Variants in CNTN4 observed in about 807,000 individuals in gnomAD.
CNTN4 encodes contactin-4.
A neutral mutation model predicts 122.5 loss-of-function variants in CNTN4; 77 were observed. That is an observed-to-expected ratio of 0.63 (90% CI 0.52 to 0.76). CNTN4 has a LOEUF of 0.76. Ranked by LOEUF, CNTN4 falls within the 30% of genes least tolerant of loss-of-function variation. CNTN4 has a pLI of 0.00. For synonymous variants in CNTN4, 512 were observed against 447.0 expected (o/e 1.15, Z -1.83); for missense variants, 1,256 against 1,259.1 (o/e 1.00, Z 0.04).
At chr3:2,368,863 A>G (rs961869101) in intron 3 of CNTN4, among the ~76,000 whole-genome samples, 3 of 152,192 alleles carry the variant, frequency 2.0e-5, no homozygotes, top group African/African-American at 7.2e-5. Context: ...TGGATGGTGA[A>G]TTAAACTTTC....
At chr3:2,107,352 G>T (rs558745310) in intron 2 of CNTN4, among the ~76,000 whole-genome samples, 4 of 152,276 alleles carry the variant, frequency 2.6e-5, no homozygotes, top group African/African-American at 9.6e-5. Context: ...GTTCTGTATG[G>T]CTTGGGAGGC....
At chr3:2,530,365 G>A (rs972488343) in intron 3 of CNTN4, among the ~76,000 whole-genome samples, 1 of 144,316 alleles carries the variant, frequency 6.9e-6, no homozygotes, top group Non-Finnish European at 1.5e-5. Context: ...CTGGAGTGCA[G>A]TGGCACGATC....
chr3:2,105,831 C>G (rs1458987506), intron 2 of CNTN4, among the ~76,000 whole-genome samples: 1 of 152,156 alleles, frequency 6.6e-6, no homozygotes, highest in Admixed American at 6.5e-5. Flanking sequence ...AGTCCACAGT[C>G]CAAAGTCTCA....
chr3:2,574,510 T>C (rs1016003186), intron 4 of CNTN4, among the ~76,000 whole-genome samples: 5 of 152,154 alleles, frequency 3.3e-5, no homozygotes, highest in Admixed American at 3.3e-4. Flanking sequence ...TACTTTATGG[T>C]ACAATGGGAA....
intron 2 of CNTN4, among the ~76,000 whole-genome samples, chr3:2,251,143 T>G (rs907066503): frequency 6.6e-6 from 1 of 151,890 alleles, no homozygotes; most frequent in Non-Finnish European, 1.5e-5. Context: ...CTCTCTCCTA[T>G]AAGCTCTGTT....
chr3:2,934,660 T>C (rs563828385), intron 13 of CNTN4, among the ~76,000 whole-genome samples: 6 of 152,380 alleles, frequency 3.9e-5, no homozygotes, highest in African/African-American at 1.4e-4. Flanking sequence ...ATGAGAAACC[T>C]GCCCTCAGGA....
At chr3:3,044,241 C>A (rs1700417991) in intron 23 of CNTN4, among the ~76,000 whole-genome samples, 1 of 152,160 alleles carries the variant, frequency 6.6e-6, no homozygotes, top group South Asian at 2.1e-4. Flanking sequence ...AGCCTTCTTG[C>A]AGCAATCAAA....
At chr3:2,943,598 A>G (rs2094638445) in intron 13 of CNTN4, among the ~76,000 whole-genome samples, 1 of 143,870 alleles carries the variant, frequency 7.0e-6, no homozygotes, top group African/African-American at 2.6e-5. Context: ...TAATATATAA[A>G]TATATAAATA....
chr3:2,765,595 CAATT>C (rs1412545535), intron 6 of CNTN4, among the ~76,000 whole-genome samples: 3 of 152,068 alleles, frequency 2.0e-5, no homozygotes, highest in African/African-American at 7.2e-5. Context: ...TATTAATCAT[CAATT>C]AAATATGGGA....
chr3:2,467,513 T>C (rs2075545312), intron 3 of CNTN4, among the ~76,000 whole-genome samples: 1 of 152,128 alleles, frequency 6.6e-6, no homozygotes, highest in African/African-American at 2.4e-5. Flanking sequence ...TCTCAGCCTT[T>C]CTCCTTATGT....
At chr3:2,149,607 T>C (rs1202487518) in intron 2 of CNTN4, among the ~76,000 whole-genome samples, 1 of 152,220 alleles carries the variant, frequency 6.6e-6, no homozygotes, top group East Asian at 1.9e-4. Context: ...AACAGCATGC[T>C]ATGTAGATAC....
chr3:3,025,961 T>A, intron 14 of CNTN4, 141 bp from the exon 15 acceptor site: 1 of 780,944 alleles, frequency 1.3e-6, no homozygotes, highest in Non-Finnish European at 2.2e-6. Context: ...CCCAGATGAC[T>A]GAGGTTTGCT....
At chr3:2,739,298 T>C (rs568016629) in intron 5 of CNTN4, among the ~76,000 whole-genome samples, 2 of 152,070 alleles carry the variant, frequency 1.3e-5, no homozygotes, top group Middle Eastern at 3.4e-3. Context: ...GCAATTTAAA[T>C]TGGTAAAAGC....
intron 4 of CNTN4, among the ~76,000 whole-genome samples, chr3:2,699,111 T>A (rs1221937445): frequency 6.6e-6 from 1 of 152,178 alleles, no homozygotes; most frequent in Non-Finnish European, 1.5e-5. Context: ...GCTTAATGCT[T>A]GGAAGAATTT....
At chr3:2,789,962 C>G (rs1478657132) in intron 6 of CNTN4, among the ~76,000 whole-genome samples, 1 of 152,140 alleles carries the variant, frequency 6.6e-6, no homozygotes, top group Non-Finnish European at 1.5e-5. Context: ...GAAGGTAGCT[C>G]TTTCTTTGAG....
chr3:3,026,277 G>GGTAA lies in CNTN4; in HGVS notation c.1662+4_1662+7dup, dbSNP rs758879750. The stretch of plus-strand genomic sequence containing the variant: ...GGGACCACTTTGAAAGAGTTGGAGG[G>GGTAA]GTAAGTATTAATAGCAAAAACTGAC... On this transcript the variant is annotated frameshift_variant and splice_region_variant. Coordinates refer to ENST00000418658, the MANE Select transcript of CNTN4 (RefSeq NM_175607.3). LOFTEE classifies it high-confidence loss of function. 6.2e-7 allele frequency: 1 copy of GGTAA among 1,612,594 alleles called. No individual in the cohort carries two copies. The highest frequency in any genetic ancestry group is 2.2e-5 in the East Asian group (1 of 44,860).
intron 23 of CNTN4, among the ~76,000 whole-genome samples, chr3:3,044,365 G>A (rs969266294): frequency 1.3e-5 from 2 of 152,184 alleles, no homozygotes; most frequent in African/African-American, 4.8e-5. Flanking sequence ...ACTTTGCAAT[G>A]TGGATAGGGC....
chr3:2,724,836 G>T (rs1014068875), intron 4 of CNTN4, among the ~76,000 whole-genome samples: 1 of 152,058 alleles, frequency 6.6e-6, no homozygotes, highest in South Asian at 2.1e-4. Context: ...ATGACTGAAC[G>T]TAGAAAGGGC....
chr3:2,706,918 T>G (rs2086774242), intron 4 of CNTN4, among the ~76,000 whole-genome samples: 1 of 152,088 alleles, frequency 6.6e-6, no homozygotes, highest in Non-Finnish European at 1.5e-5. Flanking sequence ...AAATTTGAGT[T>G]AACATTTTCA....
Sources: allele counts gnomAD v4.1 joint callset (sites outside exome capture counted in the v4.1 genomes callset), GRCh38; gene constraint gnomAD v4.1.1; transcripts MANE v1.5; gene names NCBI Gene and HGNC (gene_info 2026-07-23, HGNC 2026-07-21).